PTPRQ: variants seen among roughly 807,000 people sequenced by gnomAD.
The protein encoded by PTPRQ is protein tyrosine phosphatase receptor type Q.
In PTPRQ, 199 loss-of-function variants were observed where a neutral mutation model predicts 246.0. The observed-to-expected ratio is 0.81, with a 90% CI of 0.72 to 0.91. PTPRQ has a LOEUF of 0.91. Ranked by LOEUF, PTPRQ falls within the 40% of genes least tolerant of loss-of-function variation. The pLI is 0.00. For missense variants in PTPRQ, 2,624 were observed against 2,528.4 expected, an observed-to-expected ratio of 1.04 and a Z score of -0.81; for synonymous variants, 869 against 853.2, an observed-to-expected ratio of 1.02 and a Z score of -0.32.
chr12:80,595,100 C>G (rs1897925962), intron 26 of PTPRQ, among the ~76,000 whole-genome samples: 1 of 152,166 alleles, frequency 6.6e-6, no homozygotes, highest in South Asian at 2.1e-4. Flanking sequence ...CTTTCCTCCT[C>G]TTCTGGTGAC....
chr12:80,660,976 G>A (rs190321907), intron 39 of PTPRQ, among the ~76,000 whole-genome samples: 108 of 148,918 alleles, frequency 7.3e-4, no homozygotes, highest in African/African-American at 2.7e-3. Context: ...ACTACATGAG[G>A]ATAAGCATGT....
chr12:80,599,493 T>A (rs1898073146), intron 26 of PTPRQ, among the ~76,000 whole-genome samples: 1 of 151,770 alleles, frequency 6.6e-6, no homozygotes, highest in African/African-American at 2.4e-5. Context: ...TATTTTCAAC[T>A]CCTCATACTT....
chr12:80,557,388 C>T (rs1438946839), intron 25 of PTPRQ, among the ~76,000 whole-genome samples: 3 of 151,380 alleles, frequency 2.0e-5, no homozygotes, highest in Non-Finnish European at 4.4e-5. Context: ...TCACATGCTG[C>T]ATGGGGACAG....
At position 80,484,487 on chromosome 12, in the gene PTPRQ, G is replaced by A; in HGVS notation, c.1241G>A (p.Arg414Lys). 2 of 1,550,882 alleles carry A rather than the reference G, an allele frequency of 1.3e-6. No homozygotes were observed. Among genetic ancestry groups the A allele is most frequent in the Non-Finnish European group, 1.7e-6 (2 of 1,146,682 alleles). Residue 414 changes from arginine (R) to lysine (K), a missense_variant, in exon 9 of 45, where the codon AGA (arginine) becomes AAA (lysine). Arg to Lys is a conservative substitution (Grantham distance 26). Transcript: ENST00000644991. ...QLAEVESTQV[R>K]ITWKKPRQPN... Reference sequence around the variant, plus strand: ...GCAGAGGTAGAATCCACGCAAGTAAGAATTACTTGGAAGAAACCACGACAA... The same window carrying A: ...GCAGAGGTAGAATCCACGCAAGTAAAAATTACTTGGAAGAAACCACGACAA...
intron 24 of PTPRQ, among the ~76,000 whole-genome samples, chr12:80,547,361 C>T (rs1896337221): frequency 6.6e-6 from 1 of 151,914 alleles, no homozygotes; most frequent in African/African-American, 2.4e-5. Context: ...AGCACCTCTT[C>T]TTAATTTTTT....
chr12:80,668,644 A>C (rs1900864952), intron 39 of PTPRQ, among the ~76,000 whole-genome samples: 1 of 151,940 alleles, frequency 6.6e-6, no homozygotes, highest in Non-Finnish European at 1.5e-5. Flanking sequence ...GCATAATATT[A>C]GTACTAATTC....
Position 80,669,371 on chromosome 12 carries a change from C to T in PTPRQ, c.6360C>T (p.Asn2120=). ...GCCATCAGTATTGGCCAGAGGACAA[C>T]AAGCCAGTTACTGTCTTTGGAGATA... ...IRCHQYWPED[N]KPVTVFGDIV... is the part of the protein sequence containing the mutation. Residue 2120 remains asparagine (N), a synonymous_variant, in exon 41 of 45, where the codon AAC becomes AAT. Coordinates refer to ENST00000644991, the MANE Select transcript of PTPRQ (RefSeq NM_001145026.2). The T allele has an allele frequency of 6.5e-7, 1 of 1,549,406 alleles. No individual in the cohort carries two copies. Among genetic ancestry groups the T allele is most frequent in the Non-Finnish European group, 8.7e-7 (1 of 1,145,894 alleles).
chr12:80,520,944 C>T (rs1238356989), intron 17 of PTPRQ, among the ~76,000 whole-genome samples: 2 of 151,878 alleles, frequency 1.3e-5, no homozygotes, highest in Non-Finnish European at 2.9e-5. Flanking sequence ...ACACTGACTT[C>T]CACAATGGTT....
chr12:80,489,923 T>C (rs556299914), intron 9 of PTPRQ, among the ~76,000 whole-genome samples: 146 of 152,050 alleles, frequency 9.6e-4, no homozygotes, highest in Non-Finnish European at 1.1e-3. Context: ...GAGATTGATA[T>C]AGATGCATCT....
At position 80,670,471 on chromosome 12, in the gene PTPRQ, C is replaced by G; in HGVS notation, c.6581C>G (p.Thr2194Arg). 6.5e-7 allele frequency: 1 copy of G among 1,549,892 alleles called. No homozygotes were observed. The highest frequency in any genetic ancestry group is 8.7e-7 in the Non-Finnish European group (1 of 1,146,014). Reference sequence around the variant, plus strand: ...CGAGCAAGCAGGGCACATGACACCACACCTATGATTGTTCACTGCAGGTGA... The same window carrying G: ...CGAGCAAGCAGGGCACATGACACCAGACCTATGATTGTTCACTGCAGGTGA... ...LVRASRAHDT[T>R]PMIVHCSAGV... Residue 2194 changes from threonine (T) to arginine (R), a missense_variant, in exon 42 of 45, where the codon ACA (threonine) becomes AGA (arginine). Thr to Arg is a moderately conservative substitution (Grantham distance 71). Transcript: ENST00000644991.
In PTPRQ at chr12:80,534,124, G is replaced by A. The variant is rs986187010; in HGVS notation, c.2788G>A (p.Gly930Ser). The A allele has an allele frequency of 1.9e-6, 3 of 1,541,714 alleles. No individual in the cohort carries two copies. The highest frequency in any genetic ancestry group is 2.0e-5 in the Admixed American group (1 of 49,520). Residue 930 changes from glycine (G) to serine (S), a missense_variant, in exon 18 of 45, where the codon GGT becomes AGT. By Grantham distance (56) the Gly-to-Ser change is moderately conservative. Transcript: ENST00000644991. ...SAYVTASTRFGDGKTRSNIIS... is the reference protein window; with the variant it reads ...SAYVTASTRFSDGKTRSNIIS... ...TTATGTAACAGCTAGCACCAGATTT[G>A]GTGATGGGAAAACAAGAAGCAATAT...
intron 16 of PTPRQ, among the ~76,000 whole-genome samples, chr12:80,507,357 A>AT (rs1431750237): frequency 1.3e-5 from 2 of 151,868 alleles, no homozygotes; most frequent in Admixed American, 6.6e-5. Flanking sequence ...GAAAATTATT[A>AT]TTTTTTTCTG....
intron 39 of PTPRQ, among the ~76,000 whole-genome samples, chr12:80,662,651 CA>C (rs1014057196): frequency 6.6e-6 from 1 of 151,914 alleles, no homozygotes; most frequent in African/African-American, 2.4e-5. Flanking sequence ...GTTGATGTTT[CA>C]TGGTAGTAGA....
chr12:80,670,212 T>C (rs1900924540), intron 41 of PTPRQ, 132 bp from the exon 42 acceptor site: 1 of 1,315,348 alleles, frequency 7.6e-7, no homozygotes. Flanking sequence ...TAGGAAATAA[T>C]GAAAACATTT....
chr12:80,542,482 C>G, intron 22 of PTPRQ, 118 bp downstream of exon 22: 1 of 1,378,714 alleles, frequency 7.3e-7, no homozygotes, highest in Non-Finnish European at 9.5e-7. Context: ...AACAGCCTTA[C>G]CATTATATTT....
chr12:80,506,301 T>C (rs1278237096), intron 15 of PTPRQ, 95 bp downstream of exon 15: 14 of 1,293,896 alleles, frequency 1.1e-5, no homozygotes, highest in Middle Eastern at 5.6e-4. Flanking sequence ...ATTATTTTCA[T>C]GCAGGGTATT....
At chr12:80,501,340 A>G (rs958071670) in intron 14 of PTPRQ, among the ~76,000 whole-genome samples, 2 of 151,974 alleles carry the variant, frequency 1.3e-5, no homozygotes, top group Non-Finnish European at 2.9e-5. Context: ...AAAAATGAAG[A>G]TAAACTATTA....
intron 8 of PTPRQ, among the ~76,000 whole-genome samples, chr12:80,473,045 A>ACGCGCG (rs10641262): frequency 1.9e-4 from 18 of 92,338 alleles, no homozygotes; most frequent in African/African-American, 4.6e-4. Context: ...ACTCACACAC[A>ACGCGCG]CGCACACACA....
chr12:80,484,011 G>C (rs1894181668), intron 8 of PTPRQ, among the ~76,000 whole-genome samples: 1 of 150,410 alleles, frequency 6.6e-6, no homozygotes, highest in African/African-American at 2.5e-5. Flanking sequence ...TTGTTTGTTT[G>C]TTTGTTTGTT....
Sources: allele counts gnomAD v4.1 joint callset (sites outside exome capture counted in the v4.1 genomes callset), GRCh38; gene constraint gnomAD v4.1.1; transcripts MANE v1.5; gene names NCBI Gene and HGNC (gene_info 2026-07-23, HGNC 2026-07-21).